The following ARHGAP32 variants were observed in gnomAD, a reference collection of about 807,000 sequenced individuals.
The protein encoded by ARHGAP32 is Rho GTPase activating protein 32.
ARHGAP32 carries 51 observed loss-of-function variants against 186.5 expected under a neutral mutation model. That is an observed-to-expected ratio of 0.27 (90% CI 0.22 to 0.35). The LOEUF (loss-of-function observed/expected upper bound fraction) is 0.35. ARHGAP32 is among the 10% of genes least tolerant of loss of function. The probability of loss-of-function intolerance (pLI) is 1.00; values close to 1 mark genes in which losing one functional copy is unlikely to be tolerated. For missense variants in ARHGAP32, 2,186 were observed against 2,623.5 expected, an observed-to-expected ratio of 0.83 and a Z score of 3.64; for synonymous variants, 950 against 964.3, an observed-to-expected ratio of 0.99 and a Z score of 0.27.
At chr11:129,103,772 T>C (rs559026478) in intron 5 of ARHGAP32, among the ~76,000 whole-genome samples, 25 of 152,176 alleles carry the variant, frequency 1.6e-4, no homozygotes, top group South Asian at 8.3e-4. Flanking sequence ...TTGTCAATAC[T>C]ATTAATATAA....
chr11:129,264,538 T>C (rs1945368052), intron 1 of ARHGAP32, among the ~76,000 whole-genome samples: 2 of 152,104 alleles, frequency 1.3e-5, no homozygotes, highest in South Asian at 2.1e-4. Flanking sequence ...ACAGTAGCTG[T>C]TGGTAATATT....
intron 6 of ARHGAP32, among the ~76,000 whole-genome samples, chr11:129,068,359 G>A (rs554545217): frequency 6.9e-4 from 105 of 152,148 alleles, no homozygotes; most frequent in African/African-American, 2.4e-3. Flanking sequence ...TTCCTGTCAT[G>A]TTAGCTCTTT....
At chr11:129,274,182 G>A (rs979981717) in intron 1 of ARHGAP32, among the ~76,000 whole-genome samples, 1 of 152,072 alleles carries the variant, frequency 6.6e-6, no homozygotes, top group Non-Finnish European at 1.5e-5. Flanking sequence ...GCCCTCCCTT[G>A]TCCAGTAAAA....
chr11:129,113,435 CTG>C (rs1370616078), intron 5 of ARHGAP32, among the ~76,000 whole-genome samples: 1 of 151,990 alleles, frequency 6.6e-6, no homozygotes, highest in Non-Finnish European at 1.5e-5. Flanking sequence ...CATGTTCAGT[CTG>C]TGTTTATGTA....
In ARHGAP32 at chr11:128,975,034, G is replaced by A. The variant is rs770931383; in HGVS notation, c.2195-32C>T. ...AAAATGAATAACAGTGTCAAAGTAAGAACATCGTAGATACAGAATGCTGTG... is the reference window on the plus strand; with the variant it reads ...AAAATGAATAACAGTGTCAAAGTAAAAACATCGTAGATACAGAATGCTGTG... On this transcript the variant is annotated intron_variant, in intron 20 of 22. Transcript: ENST00000682385. 11 of 1,559,528 alleles carry A rather than the reference G, an allele frequency of 7.1e-6. No individual in the cohort carries two copies. The Admixed American group carries it at 7.2e-5, about 10-fold the overall frequency.
chr11:129,004,709 T>C (rs968546073), intron 11 of ARHGAP32, among the ~76,000 whole-genome samples: 3 of 152,198 alleles, frequency 2.0e-5, no homozygotes, highest in Non-Finnish European at 2.9e-5. Context: ...TTGGTTTCCA[T>C]TGACATGGAA....
intron 1 of ARHGAP32, among the ~76,000 whole-genome samples, chr11:129,179,113 C>G (rs1455848291): frequency 5.9e-5 from 9 of 151,558 alleles, no homozygotes; most frequent in Non-Finnish European, 1.2e-4. Flanking sequence ...AACAAACAAC[C>G]CCATCAAAAA....
At chr11:129,119,840 G>A (rs572883011) in intron 5 of ARHGAP32, among the ~76,000 whole-genome samples, 2 of 152,082 alleles carry the variant, frequency 1.3e-5, no homozygotes, top group South Asian at 4.1e-4. Flanking sequence ...CCCTGAGAAG[G>A]GGGTGAGCAT....
chr11:129,009,208 T>G (rs928680436), intron 11 of ARHGAP32, among the ~76,000 whole-genome samples: 1 of 152,234 alleles, frequency 6.6e-6, no homozygotes, highest in South Asian at 2.1e-4. Context: ...AAAGGACACA[T>G]TCCACATATT....
chr11:129,133,384 A>G (rs187024840), intron 2 of ARHGAP32, among the ~76,000 whole-genome samples: 3 of 152,324 alleles, frequency 2.0e-5, no homozygotes, highest in East Asian at 3.9e-4. Context: ...ATACAAATTT[A>G]TTGAAAGATA....
At chr11:129,228,565 G>C (rs571972749) in intron 1 of ARHGAP32, among the ~76,000 whole-genome samples, 531 of 152,284 alleles carry the variant, frequency 3.5e-3, no homozygotes, top group African/African-American at 0.012. Context: ...CAGGGACATA[G>C]ATGGAGCTGG....
intron 1 of ARHGAP32, among the ~76,000 whole-genome samples, chr11:129,244,445 T>C (rs1474687116): frequency 6.6e-6 from 1 of 152,236 alleles, no homozygotes; most frequent in Non-Finnish European, 1.5e-5. Flanking sequence ...TTTTTAAACG[T>C]TTTCTAAAAG....
chr11:128,970,130 G>A lies in ARHGAP32; in HGVS notation c.5083C>T (p.Leu1695Phe). 1 of 1,614,212 alleles carries A rather than the reference G, an allele frequency of 6.2e-7. No homozygotes were observed. Residue 1695 changes from leucine (L) to phenylalanine (F), a missense_variant, in exon 23 of 23, where the codon CTT becomes TTT. This residue lies in a region of ARHGAP32 where 1,502 missense variants were observed against 1,570.0 expected (regional missense o/e 0.96). Coordinates refer to ENST00000682385, the MANE Select transcript of ARHGAP32 (RefSeq NM_001378024.1). This position sits in a 1 kb window ranked among gnomAD's most constrained non-coding sequence, Gnocchi z 5.8. ...AAGTCTCGATTGGGAAGGCGGTGAA[G>A]GGGTCTCAACTGGACTGTGCCATAG... The part of the protein sequence containing the change: ...DAYGTVQLRP[L>F]HRLPNRDFAF...
intron 1 of ARHGAP32, among the ~76,000 whole-genome samples, chr11:129,185,862 T>C (rs114144072): frequency 0.021 from 3,232 of 152,166 alleles, 107 homozygotes; most frequent in Admixed American, 0.084. Context: ...GAAATCATTT[T>C]ATTTTCAAAT....
At chr11:129,057,176 C>T (rs1255454399) in intron 10 of ARHGAP32, among the ~76,000 whole-genome samples, 2 of 152,142 alleles carry the variant, frequency 1.3e-5, no homozygotes, top group Admixed American at 6.5e-5. Flanking sequence ...ATCCTCTCGG[C>T]AGAAGACATA....
At chr11:129,097,950 A>G (rs1165896061) in intron 5 of ARHGAP32, among the ~76,000 whole-genome samples, 1 of 152,220 alleles carries the variant, frequency 6.6e-6, no homozygotes, top group African/African-American at 2.4e-5. Context: ...CCTGCAAGGG[A>G]TCATCAGTAA....
intron 10 of ARHGAP32, among the ~76,000 whole-genome samples, chr11:129,057,247 C>T (rs1361164168): frequency 6.6e-6 from 1 of 152,078 alleles, no homozygotes; most frequent in Admixed American, 6.5e-5. Context: ...TCCAGGGAAT[C>T]CTGGTGAGCC....
At chr11:129,279,206 T>G (rs1037409267) in exon 1 of ARHGAP32, 2 of 138,954 alleles carry the variant, frequency 1.4e-5, no homozygotes, top group African/African-American at 5.3e-5. Context: ...CCGCTCCGTG[T>G]CTGCCCTCCG....
At chr11:129,129,511 G>T (rs1031596813) in intron 2 of ARHGAP32, among the ~76,000 whole-genome samples, 2 of 152,214 alleles carry the variant, frequency 1.3e-5, no homozygotes. Context: ...CCCTCTGCCC[G>T]GCCGCCACCT....
Sources: allele counts gnomAD v4.1 joint callset (sites outside exome capture counted in the v4.1 genomes callset), GRCh38; gene constraint gnomAD v4.1.1; regional missense constraint gnomAD v4.1.1; non-coding constraint Gnocchi (gnomAD v3.1); transcripts MANE v1.5; gene names NCBI Gene and HGNC (gene_info 2026-07-23, HGNC 2026-07-21).